The following NAALADL2 variants were observed in gnomAD, a reference collection of about 807,000 sequenced individuals.
NAALADL2 encodes inactive N-acetylated-alpha-linked acidic dipeptidase-like protein 2.
In NAALADL2, 76 loss-of-function variants were observed where a neutral mutation model predicts 87.2. The ratio of observed to expected loss-of-function variants is 0.87; its 90% CI spans 0.72 to 1.05. The LOEUF is 1.05. Ranked by LOEUF, NAALADL2 falls within the 50% of genes least tolerant of loss-of-function variation. NAALADL2 has a pLI of 0.00. For synonymous variants in NAALADL2, 354 were observed against 331.0 expected (o/e 1.07, Z -0.75); for missense variants, 1,089 against 945.8 (o/e 1.15, Z -1.99).
chr3:175,134,969 CAT>C (rs1728885789), intron 2 of NAALADL2, among the ~76,000 whole-genome samples: 1 of 152,124 alleles, frequency 6.6e-6, no homozygotes, highest in East Asian at 1.9e-4. Context: ...AGAGTGAAAA[CAT>C]AACATCCTAC....
At chr3:174,737,479 A>G (rs1733339023) in intron 2 of NAALADL2, among the ~76,000 whole-genome samples, 1 of 152,368 alleles carries the variant, frequency 6.6e-6, no homozygotes, top group Admixed American at 6.5e-5. Context: ...AAGTCTATAC[A>G]TTGTTGACTT....
chr3:174,759,920 C>T (rs545510378), intron 3 of NAALADL2, among the ~76,000 whole-genome samples: 84 of 152,116 alleles, frequency 5.5e-4, no homozygotes, highest in African/African-American at 2.0e-3. Flanking sequence ...AGGCTGGTCT[C>T]GAACTCCTGA....
chr3:175,787,938 G>T (rs1046050897), intron 13 of NAALADL2, among the ~76,000 whole-genome samples: 2 of 151,948 alleles, frequency 1.3e-5, no homozygotes, highest in Non-Finnish European at 2.9e-5. Flanking sequence ...ATTTAGTATA[G>T]CCTAAGTGTA....
intron 5 of NAALADL2, among the ~76,000 whole-genome samples, chr3:175,381,376 A>AT (rs1481752781): frequency 2.6e-5 from 4 of 151,676 alleles, no homozygotes; most frequent in African/African-American, 9.6e-5. Flanking sequence ...TTACAGATCA[A>AT]TTTTGCATTT....
chr3:174,548,475 T>A (rs1051191489), intron 1 of NAALADL2, among the ~76,000 whole-genome samples: 2 of 152,196 alleles, frequency 1.3e-5, no homozygotes, highest in Non-Finnish European at 2.9e-5. Flanking sequence ...CTAATGCTTA[T>A]CTACAATTTC....
At chr3:174,715,059 G>A (rs1731053666) in intron 2 of NAALADL2, among the ~76,000 whole-genome samples, 1 of 152,130 alleles carries the variant, frequency 6.6e-6, no homozygotes, top group African/African-American at 2.4e-5. Context: ...AGATAATCAT[G>A]TGACAATTTT....
At chr3:175,367,252 G>C (rs1267080902) in intron 5 of NAALADL2, among the ~76,000 whole-genome samples, 3 of 151,748 alleles carry the variant, frequency 2.0e-5, no homozygotes, top group Non-Finnish European at 2.9e-5. Context: ...ATGCTGTTTT[G>C]GTTACTGTAG....
intron 1 of NAALADL2, among the ~76,000 whole-genome samples, chr3:174,974,860 AT>A: frequency 6.6e-6 from 1 of 152,194 alleles, no homozygotes; most frequent in Admixed American, 6.6e-5. Flanking sequence ...TTTTCTTGTG[AT>A]TTTTATGATG....
chr3:174,489,011 G>A (rs1021262421), intron 1 of NAALADL2, among the ~76,000 whole-genome samples: 3 of 151,950 alleles, frequency 2.0e-5, no homozygotes, highest in Admixed American at 6.6e-5. Context: ...TATTGATATC[G>A]ATGTGGATAA....
intron 5 of NAALADL2, among the ~76,000 whole-genome samples, chr3:175,362,666 A>G (rs1228503190): frequency 6.7e-6 from 1 of 148,402 alleles, no homozygotes; most frequent in Admixed American, 6.9e-5. Flanking sequence ...TCTATTTCAT[A>G]TAATGGCTTC....
intron 10 of NAALADL2, among the ~76,000 whole-genome samples, chr3:175,590,064 T>C (rs1365880029): frequency 1.3e-5 from 2 of 151,728 alleles, no homozygotes; most frequent in African/African-American, 4.8e-5. Flanking sequence ...TACAAAAAAT[T>C]AGCCGGGCGT....
chr3:174,803,136 A>C (rs563841567), intron 3 of NAALADL2, among the ~76,000 whole-genome samples: 4 of 152,220 alleles, frequency 2.6e-5, no homozygotes, highest in South Asian at 4.2e-4. Context: ...CCTCTCCAGC[A>C]TCTGTTGTTT....
chr3:175,278,430 G>A (rs991242433), intron 4 of NAALADL2, among the ~76,000 whole-genome samples: 12 of 152,020 alleles, frequency 7.9e-5, no homozygotes, highest in African/African-American at 2.9e-4. Flanking sequence ...GAGTACCTGC[G>A]TCTAACCATG....
At chr3:174,604,098 A>G (rs985152900) in intron 2 of NAALADL2, among the ~76,000 whole-genome samples, 10 of 152,274 alleles carry the variant, frequency 6.6e-5, no homozygotes, top group African/African-American at 2.2e-4. Flanking sequence ...AGTGCAATTT[A>G]TATCCAATAT....
intron 3 of NAALADL2, among the ~76,000 whole-genome samples, chr3:174,796,960 A>G (rs555551875): frequency 6.6e-6 from 1 of 152,040 alleles, no homozygotes; most frequent in Non-Finnish European, 1.5e-5. Flanking sequence ...TGTTAGTTTA[A>G]TTAAGTCACA....
chr3:174,492,570 C>T (rs904184645), intron 1 of NAALADL2, among the ~76,000 whole-genome samples: 1 of 152,096 alleles, frequency 6.6e-6, no homozygotes, highest in Non-Finnish European at 1.5e-5. Context: ...GCAACATCCA[C>T]ATGCATTTAC....
intron 9 of NAALADL2, among the ~76,000 whole-genome samples, chr3:175,492,113 G>T (rs1728182856): frequency 6.6e-6 from 1 of 152,062 alleles, no homozygotes; most frequent in Admixed American, 6.6e-5. Context: ...TTTTTCAAAA[G>T]AATTTCCACG....
chr3:175,701,179 G>A (rs1014296603), intron 11 of NAALADL2, among the ~76,000 whole-genome samples: 15 of 152,140 alleles, frequency 9.9e-5, no homozygotes, highest in African/African-American at 3.6e-4. Flanking sequence ...ATTGGAGGCT[G>A]TAGGGTTGGG....
chr3:175,731,425 C>T (rs990030222), intron 11 of NAALADL2, among the ~76,000 whole-genome samples: 1 of 152,132 alleles, frequency 6.6e-6, no homozygotes, highest in Admixed American at 6.6e-5. Context: ...GTGTTTTTGA[C>T]ATAGAATATT....
Sources: allele counts gnomAD v4.1 joint callset (sites outside exome capture counted in the v4.1 genomes callset), GRCh38; gene constraint gnomAD v4.1.1; transcripts MANE v1.5; gene names NCBI Gene and HGNC (gene_info 2026-07-23, HGNC 2026-07-21).